XPNPEP1: variants seen among roughly 807,000 people sequenced by gnomAD.
The protein encoded by XPNPEP1 is xaa-Pro aminopeptidase 1.
Under a neutral mutation model 92.4 loss-of-function variants are expected in XPNPEP1, and 39 were observed. The observed-to-expected ratio is 0.42, with a 90% confidence interval of 0.33 to 0.55. The LOEUF (loss-of-function observed/expected upper bound fraction) is 0.55. XPNPEP1 is among the 20% of genes least tolerant of loss of function. XPNPEP1 has a pLI of 0.08. For missense variants in XPNPEP1, 654 were observed against 856.1 expected (o/e 0.76, Z 2.95); for synonymous variants, 307 against 299.4 (o/e 1.03, Z -0.26).
chr10:109,909,112 T>C (rs1849718481), intron 2 of XPNPEP1, among the ~76,000 whole-genome samples: 1 of 151,806 alleles, frequency 6.6e-6, no homozygotes, highest in Non-Finnish European at 1.5e-5. Context: ...CTACTAAAAA[T>C]ACAAAAAAGT....
chr10:109,875,438 G>T, intron 15 of XPNPEP1, 90 bp downstream of exon 15: 1 of 1,208,654 alleles, frequency 8.3e-7, no homozygotes, highest in Non-Finnish European at 1.2e-6. Flanking sequence ...GCGATGACCA[G>T]CTGAGTGCTC....
intron 2 of XPNPEP1, among the ~76,000 whole-genome samples, chr10:109,910,462 C>T (rs55781439): frequency 0.23 from 34,979 of 150,882 alleles, 4,951 homozygotes; most frequent in South Asian, 0.48. Context: ...GAGAATTGCT[C>T]GAACACAGGA....
intron 3 of XPNPEP1, among the ~76,000 whole-genome samples, chr10:109,900,038 C>T (rs751512785): frequency 2.0e-5 from 3 of 152,236 alleles, no homozygotes; most frequent in Non-Finnish European, 4.4e-5. Flanking sequence ...CCTAATACCA[C>T]AACCCTTGCT....
intron 15 of XPNPEP1, among the ~76,000 whole-genome samples, chr10:109,874,905 C>T (rs568426033): frequency 6.6e-5 from 10 of 152,226 alleles, no homozygotes; most frequent in East Asian, 1.9e-4. Context: ...GCCGAGATCA[C>T]GCCACTGCAC....
intron 3 of XPNPEP1, among the ~76,000 whole-genome samples, chr10:109,906,147 A>C (rs1303349351): frequency 6.6e-6 from 1 of 152,142 alleles, no homozygotes; most frequent in Non-Finnish European, 1.5e-5. Flanking sequence ...ATCATGGTGG[A>C]CTGGTGGACC....
rs1185187828 is a variant in XPNPEP1, at chr10:109,888,129, T to C, written c.572A>G (p.Glu191Gly). ...SAGHHLIPVK[E>G]NLVDKIWTDR... ...TGTCCAGATTTTGTCAACGAGGTTCTCCTTGACAGGAATGAGGTGATGGCC... is the reference window on the plus strand; with the variant it reads ...TGTCCAGATTTTGTCAACGAGGTTCCCCTTGACAGGAATGAGGTGATGGCC... The change falls in exon 7 of 21, where the codon GAG becomes GGG. Residue 191 changes from glutamate (E) to glycine (G), a missense_variant. Transcript: ENST00000502935. 1.2e-6 allele frequency: 2 copies of C among 1,614,070 alleles called. No homozygotes were observed. The highest frequency in any genetic ancestry group is 3.3e-5 in the Admixed American group (2 of 60,012).
chr10:109,915,948 A>G (rs887321848), intron 1 of XPNPEP1, among the ~76,000 whole-genome samples: 1 of 152,128 alleles, frequency 6.6e-6, no homozygotes, highest in African/African-American at 2.4e-5. Flanking sequence ...ATCTTCCATA[A>G]TCCAGGCCCT....
intron 20 of XPNPEP1, 65 bp downstream of exon 20, chr10:109,868,549 G>C: frequency 1.5e-6 from 2 of 1,325,310 alleles, no homozygotes; most frequent in Non-Finnish European, 2.1e-6. Context: ...GGATGGATTA[G>C]AACTATTTAA....
In XPNPEP1 at chr10:109,882,553, T is replaced by C; in HGVS notation, c.920A>G (p.Gln307Arg). The change falls in exon 10 of 21, where the codon CAG becomes CGG. Residue 307 changes from glutamine to arginine, a missense_variant. By Grantham distance (43) the Gln-to-Arg change is conservative. Coordinates refer to ENST00000502935, the MANE Select transcript of XPNPEP1 (RefSeq NM_020383.4). The stretch of plus-strand genomic sequence containing the variant: ...CAGGATGGACTTGTAGGGATGCACC[T>C]GGATCCTGTATTCGGCTTCCAGACC... ...DLGLEAEYRI[Q>R]VHPYKSILSE... The C allele has an allele frequency of 6.2e-7, 1 of 1,614,234 alleles. No individual in the cohort carries two copies. The highest frequency in any genetic ancestry group is 8.5e-7 in the Non-Finnish European group (1 of 1,180,036).
At chr10:109,882,206 G>T (rs978397693) in intron 10 of XPNPEP1, among the ~76,000 whole-genome samples, 1 of 152,110 alleles carries the variant, frequency 6.6e-6, no homozygotes, top group African/African-American at 2.4e-5. Flanking sequence ...ATAATAATGT[G>T]TACCACCTAA....
At chr10:109,884,373 A>G (rs141724390) in intron 8 of XPNPEP1, 116 of 520,276 alleles carry the variant, frequency 2.2e-4, no homozygotes, top group African/African-American at 2.1e-3. Context: ...AGGCTTCCAC[A>G]TCACTGCCCG....
chr10:109,878,174 C>A, intron 12 of XPNPEP1, 116 bp from the exon 13 acceptor site: 1 of 1,126,226 alleles, frequency 8.9e-7, no homozygotes, highest in Non-Finnish European at 1.3e-6. Context: ...TCCCAACTGA[C>A]CAATCTACAG....
intron 5 of XPNPEP1, among the ~76,000 whole-genome samples, chr10:109,890,696 G>T (rs1848661641): frequency 6.6e-6 from 1 of 151,700 alleles, no homozygotes; most frequent in African/African-American, 2.4e-5. Context: ...TTTATGAAAT[G>T]ATTTTTGAGA....
In XPNPEP1 at chr10:109,877,882, C is replaced by G; in HGVS notation, c.1242-15G>C. 1.9e-6 allele frequency: 3 copies of G among 1,614,252 alleles called. No homozygotes were observed. The highest frequency in any genetic ancestry group is 2.5e-6 in the Non-Finnish European group (3 of 1,180,050). On this transcript the variant is annotated splice_polypyrimidine_tract_variant and intron_variant, in intron 13 of 20. Coordinates refer to ENST00000502935, the MANE Select transcript of XPNPEP1 (RefSeq NM_020383.4). ...CTGCCTGTTGCCTGTAACAGAAAGA[C>G]AGAAAGCAGAGTGGCTTAAAGGTTT... is the stretch of plus-strand genomic sequence containing the variant.
chr10:109,888,569 C>A lies in XPNPEP1; in HGVS notation c.442G>T (p.Asp148Tyr). ...TCAGGAAGCACACTCACCAGCCAGT[C>A]TTCCTGAGTTGGTGTGTCCTTCAGA... is the stretch of plus-strand genomic sequence containing the variant. ...MGLKDTPTQE[D>Y]WLVSVLPEGS... Residue 148 changes from aspartate to tyrosine, a missense_variant, in exon 6 of 21, where the codon GAC (aspartate) becomes TAC (tyrosine). By Grantham distance (160) the Asp-to-Tyr change is radical (BLOSUM62 -3). Coordinates refer to ENST00000502935, the MANE Select transcript of XPNPEP1 (RefSeq NM_020383.4). 2 of 1,610,532 alleles carry A rather than the reference C, an allele frequency of 1.2e-6. No homozygotes were observed. The highest frequency in any genetic ancestry group is 1.7e-6 in the Non-Finnish European group (2 of 1,178,068).
rs1035114534 is a variant in XPNPEP1 at position 109,867,188 on chromosome 10, C to A, written c.1872+1426G>T. 2.6e-5 allele frequency among the ~76,000 whole-genome samples: 4 copies of A among 152,198 alleles called. No homozygotes were observed. Among genetic ancestry groups the A allele is most frequent in the Non-Finnish European group, 5.9e-5 (4 of 68,032 alleles). On this transcript the variant is annotated intron_variant, in intron 20 of 20. Coordinates refer to ENST00000502935, the MANE Select transcript of XPNPEP1 (RefSeq NM_020383.4). The surrounding 1 kb of genome is among the most constrained non-coding windows in gnomAD (Gnocchi z 4.5). ...AGGGCCATTACAAGAGACACTGGTTCCTATGGGGCAGAGGGATTCTAAGCA... is the reference window on the plus strand; with the variant it reads ...AGGGCCATTACAAGAGACACTGGTTACTATGGGGCAGAGGGATTCTAAGCA...
At chr10:109,870,159 G>T in intron 18 of XPNPEP1, 130 bp from the exon 19 acceptor site, 1 of 993,698 alleles carries the variant, frequency 1.0e-6, no homozygotes, top group Non-Finnish European at 1.5e-6. Context: ...CACTCTATCT[G>T]GTGTAAGAGC....
chr10:109,923,324 G>C, intron 1 of XPNPEP1, 78 bp downstream of exon 1: 1 of 1,346,450 alleles, frequency 7.4e-7, no homozygotes, highest in South Asian at 1.6e-5. Context: ...GTCCCTGCCC[G>C]CCGAGGTGCA....
At chr10:109,909,650 C>G (rs904043952) in intron 2 of XPNPEP1, among the ~76,000 whole-genome samples, 2 of 152,118 alleles carry the variant, frequency 1.3e-5, no homozygotes, top group African/African-American at 2.4e-5. Context: ...AGTCCTATGT[C>G]TACATAACAA....
Sources: allele counts gnomAD v4.1 joint callset (sites outside exome capture counted in the v4.1 genomes callset), GRCh38; gene constraint gnomAD v4.1.1; non-coding constraint Gnocchi (gnomAD v3.1); transcripts MANE v1.5; gene names NCBI Gene and HGNC (gene_info 2026-07-23, HGNC 2026-07-21).